The following BCL2 variants were observed in gnomAD, a reference collection of about 807,000 sequenced individuals.
The protein encoded by BCL2 is BCL2 apoptosis regulator.
A neutral mutation model predicts 14.2 loss-of-function variants in BCL2; 1 was observed. That is an observed-to-expected ratio of 0.07 (90% CI 0.02 to 0.33). BCL2 has a LOEUF of 0.33. Among genes scored for constraint, BCL2 ranks in the 10% least tolerant of loss-of-function variants. The pLI is 0.99. For synonymous variants in BCL2, 151 were observed against 137.2 expected (o/e 1.10, Z -0.70); for missense variants, 247 against 305.9 (o/e 0.81, Z 1.44).
intron 2 of BCL2, chr18:63,317,001 T>C (rs1913518768): frequency 6.6e-6 from 1 of 151,390 alleles, no homozygotes; most frequent in South Asian, 2.1e-4. Flanking sequence ...ATATGAGATA[T>C]AGATCTCCAT....
At chr18:63,170,233 G>A (rs760440622) in intron 2 of BCL2, among the ~76,000 whole-genome samples, 2 of 152,024 alleles carry the variant, frequency 1.3e-5, no homozygotes, top group Non-Finnish European at 2.9e-5. Flanking sequence ...AACAGTGACG[G>A]GCACATGGTA....
chr18:63,185,026 G>T (rs778616794), intron 2 of BCL2, among the ~76,000 whole-genome samples: 3 of 152,108 alleles, frequency 2.0e-5, no homozygotes, highest in Non-Finnish European at 4.4e-5. Context: ...TAAATCCTCT[G>T]GTCCTGTCCA....
chr18:63,301,160 C>T (rs1912950168), intron 2 of BCL2, among the ~76,000 whole-genome samples: 2 of 152,142 alleles, frequency 1.3e-5, no homozygotes, highest in South Asian at 4.1e-4. Context: ...TCAAATTCTT[C>T]CTCGAAGAGT....
chr18:63,219,190 T>C (rs1910310730), intron 2 of BCL2, among the ~76,000 whole-genome samples: 1 of 152,196 alleles, frequency 6.6e-6, no homozygotes, highest in African/African-American at 2.4e-5. Context: ...AATTTTACTC[T>C]TGCAGGTTTT....
At chr18:63,174,592 G>T (rs1170151353) in intron 2 of BCL2, among the ~76,000 whole-genome samples, 1 of 152,024 alleles carries the variant, frequency 6.6e-6, no homozygotes. Context: ...GGCCGAGGCG[G>T]GTGTATCACC....
chr18:63,204,098 G>A (rs974396700), intron 2 of BCL2, among the ~76,000 whole-genome samples: 2 of 152,062 alleles, frequency 1.3e-5, no homozygotes, highest in Non-Finnish European at 2.9e-5. Flanking sequence ...TCCAGCACAG[G>A]GTCAGTACTA....
intron 2 of BCL2, among the ~76,000 whole-genome samples, chr18:63,215,336 A>C (rs1910170187): frequency 6.6e-6 from 1 of 152,258 alleles, no homozygotes. Flanking sequence ...GTAAGCACAG[A>C]AATGTTTATT....
intron 2 of BCL2, among the ~76,000 whole-genome samples, chr18:63,280,297 G>A (rs192400003): frequency 3.4e-4 from 52 of 152,204 alleles, no homozygotes; most frequent in African/African-American, 6.7e-4. Flanking sequence ...CTCAGTTTCC[G>A]TATCTATTAA....
intron 2 of BCL2, among the ~76,000 whole-genome samples, chr18:63,173,729 T>C (rs771453797): frequency 2.0e-5 from 3 of 152,214 alleles, no homozygotes; most frequent in Non-Finnish European, 4.4e-5. Flanking sequence ...TTATTATAGA[T>C]CAAATGCTAT....
chr18:63,164,984 G>A (rs1326978452), intron 2 of BCL2, among the ~76,000 whole-genome samples: 1 of 152,204 alleles, frequency 6.6e-6, no homozygotes, highest in East Asian at 1.9e-4. Context: ...TGACGAGTTA[G>A]TTGGTGCAGC....
chr18:63,282,326 T>C (rs1373316580), intron 2 of BCL2, among the ~76,000 whole-genome samples: 1 of 152,224 alleles, frequency 6.6e-6, no homozygotes, highest in Non-Finnish European at 1.5e-5. Context: ...GAGTTGTAAC[T>C]AGCAGTTATT....
rs1369230116 is a variant in BCL2 at position 63,319,288 on chromosome 18, T to A, written c.-401A>T. On this transcript the variant is annotated 5_prime_UTR_variant, in exon 1 of 3. Transcript: ENST00000333681. ...TCAGCACTCTCCAGTTATAGCTGAT[T>A]TGAAACTTCCCAATGAATCAGGAGT... 1 of 229,482 alleles carries A rather than the reference T, an allele frequency of 4.4e-6. No individual in the cohort carries two copies. Among genetic ancestry groups the A allele is most frequent in the Admixed American group, 5.7e-5 (1 of 17,594 alleles). The allele number at this position is 229,482 out of a possible 1,614,324, so 14.2% of individuals were successfully genotyped here.
intron 2 of BCL2, among the ~76,000 whole-genome samples, chr18:63,176,638 T>C (rs1599226240): frequency 6.6e-6 from 1 of 152,210 alleles, no homozygotes; most frequent in Non-Finnish European, 1.5e-5. Flanking sequence ...TACATATTTA[T>C]AGAGTACATG....
At chr18:63,185,578 A>C (rs774598818) in intron 2 of BCL2, among the ~76,000 whole-genome samples, 4 of 152,260 alleles carry the variant, frequency 2.6e-5, no homozygotes, top group Admixed American at 6.5e-5. Context: ...TCTTACAAAG[A>C]AGAAACCAAA....
At chr18:63,249,925 A>G (rs1408822544) in intron 2 of BCL2, among the ~76,000 whole-genome samples, 1 of 152,066 alleles carries the variant, frequency 6.6e-6, no homozygotes, top group Non-Finnish European at 1.5e-5. Context: ...AAGGGAAGCC[A>G]GTGCTGTGGA....
At chr18:63,194,365 A>G (rs1034713291) in intron 2 of BCL2, among the ~76,000 whole-genome samples, 1 of 147,074 alleles carries the variant, frequency 6.8e-6, no homozygotes, top group Admixed American at 7.0e-5. Flanking sequence ...ATGGAGTCTC[A>G]CTCTATTGTC....
intron 2 of BCL2, among the ~76,000 whole-genome samples, chr18:63,161,036 T>C (rs1043637342): frequency 1.6e-4 from 24 of 152,184 alleles, no homozygotes; most frequent in African/African-American, 5.8e-4. Context: ...AAGGAGTTTT[T>C]AATTTTTTTT....
At chr18:63,175,089 C>A (rs1219447675) in intron 2 of BCL2, among the ~76,000 whole-genome samples, 1 of 152,182 alleles carries the variant, frequency 6.6e-6, no homozygotes, top group Admixed American at 6.5e-5. Flanking sequence ...AAGCCCCCCA[C>A]AAGCACTTCC....
At chr18:63,302,792 T>C in intron 2 of BCL2, 1 of 985,312 alleles carries the variant, frequency 1.0e-6, no homozygotes, top group Non-Finnish European at 1.2e-6. Flanking sequence ...TTTAAGAAAG[T>C]AGTTTCCTGG....
Sources: gnomAD v4.1 joint callset for allele counts (sites outside exome capture counted in the v4.1 genomes callset) on GRCh38, gnomAD v4.1.1 for gene constraint, MANE v1.5 for transcripts, NCBI Gene and HGNC (gene_info 2026-07-23, HGNC 2026-07-21) for gene names.